The following SGIP1 variants were observed in gnomAD, a reference collection of about 807,000 sequenced individuals.
SGIP1 encodes SH3GL interacting endocytic adaptor 1, also known as SH3-containing GRB2-like protein 3-interacting protein 1.
In SGIP1, 38 loss-of-function variants were observed where a neutral mutation model predicts 107.5. The ratio of observed to expected loss-of-function variants is 0.35; its 90% CI spans 0.27 to 0.46. The LOEUF (loss-of-function observed/expected upper bound fraction) is 0.46. SGIP1 is among the 20% of genes least tolerant of loss of function. The pLI is 1.00. For missense variants in SGIP1, 929 were observed against 1,019.5 expected, an observed-to-expected ratio of 0.91 and a Z score of 1.21; for synonymous variants, 365 against 366.1, an observed-to-expected ratio of 1.00 and a Z score of 0.03.
At chr1:66,573,120 T>G (rs2148630924) in intron 1 of SGIP1, among the ~76,000 whole-genome samples, 1 of 152,146 alleles carries the variant, frequency 6.6e-6, no homozygotes. Flanking sequence ...ATTAAAATGT[T>G]CCAGAATTAG....
chr1:66,624,559 G>A (rs1570780544), intron 1 of SGIP1, among the ~76,000 whole-genome samples: 1 of 152,168 alleles, frequency 6.6e-6, no homozygotes, highest in Non-Finnish European at 1.5e-5. Context: ...TTGTATTTGA[G>A]TAGTATCCTA....
intron 1 of SGIP1, among the ~76,000 whole-genome samples, chr1:66,539,978 C>A (rs1571001111): frequency 6.6e-6 from 1 of 152,140 alleles, no homozygotes; most frequent in East Asian, 1.9e-4. Context: ...GTATCCTTAG[C>A]TCTTGGCACA....
chr1:66,695,060 T>C, intron 17 of SGIP1: 1 of 376,670 alleles, frequency 2.7e-6, no homozygotes. Context: ...GGGGATGACA[T>C]TGAAGATGAA....
intron 1 of SGIP1, among the ~76,000 whole-genome samples, chr1:66,607,640 T>C (rs1180957187): frequency 3.9e-5 from 6 of 152,006 alleles, no homozygotes; most frequent in African/African-American, 1.5e-4. Flanking sequence ...CTCCGAAAGG[T>C]CTAGAGTAAT....
chr1:66,602,127 C>A (rs758000919), intron 1 of SGIP1, among the ~76,000 whole-genome samples: 1 of 152,278 alleles, frequency 6.6e-6, no homozygotes, highest in South Asian at 2.1e-4. Context: ...GCCTCTCAGA[C>A]CCCTGGGATT....
At chr1:66,673,824 G>A (rs190071822) in intron 12 of SGIP1, among the ~76,000 whole-genome samples, 150 of 152,220 alleles carry the variant, frequency 9.9e-4, no homozygotes, top group South Asian at 2.3e-3. Flanking sequence ...GCTCACAACA[G>A]TCATTGTTTG....
intron 13 of SGIP1, among the ~76,000 whole-genome samples, chr1:66,679,440 TA>T (rs2086164298): frequency 6.6e-6 from 1 of 152,208 alleles, no homozygotes; most frequent in African/African-American, 2.4e-5. Flanking sequence ...AAAATGGTGA[TA>T]TTATTATTAC....
intron 13 of SGIP1, among the ~76,000 whole-genome samples, chr1:66,677,878 C>T (rs2085752244): frequency 1.3e-5 from 2 of 152,188 alleles, no homozygotes; most frequent in South Asian, 4.1e-4. Context: ...TTTGGGCTCA[C>T]ATACAGACCA....
intron 5 of SGIP1, among the ~76,000 whole-genome samples, chr1:66,640,893 T>C (rs754249827): frequency 4.6e-5 from 7 of 151,914 alleles, no homozygotes; most frequent in Admixed American, 2.0e-4. Context: ...TGTATGATCT[T>C]GCTTATACGC....
intron 19 of SGIP1, among the ~76,000 whole-genome samples, chr1:66,723,696 C>T (rs1362869712): frequency 6.6e-6 from 1 of 151,980 alleles, no homozygotes; most frequent in African/African-American, 2.4e-5. Flanking sequence ...TTACATTGTG[C>T]CTGGTATATT....
chr1:66,548,728 A>G (rs1298684635), intron 1 of SGIP1, among the ~76,000 whole-genome samples: 1 of 152,054 alleles, frequency 6.6e-6, no homozygotes, highest in Non-Finnish European at 1.5e-5. Context: ...TGACCTCTCC[A>G]TGTTTCATTT....
intron 1 of SGIP1, among the ~76,000 whole-genome samples, chr1:66,565,784 C>T (rs764434703): frequency 5.3e-5 from 8 of 151,994 alleles, no homozygotes; most frequent in Non-Finnish European, 1.2e-4. Flanking sequence ...CTGTGCTAGA[C>T]TCTGTGTTGG....
intron 7 of SGIP1, among the ~76,000 whole-genome samples, chr1:66,645,543 C>G (rs1465089206): frequency 6.6e-6 from 1 of 152,120 alleles, no homozygotes; most frequent in Non-Finnish European, 1.5e-5. Context: ...TTTCTGCAAA[C>G]CAACAACGCC....
chr1:66,653,090 C>T (rs1365217389), intron 7 of SGIP1, among the ~76,000 whole-genome samples: 1 of 152,186 alleles, frequency 6.6e-6, no homozygotes, highest in East Asian at 1.9e-4. Context: ...CCCCTCTAGA[C>T]AGACCTGCAG....
chr1:66,644,356 AAAG>A (rs1367033821), intron 7 of SGIP1, among the ~76,000 whole-genome samples: 1 of 152,066 alleles, frequency 6.6e-6, no homozygotes, highest in Non-Finnish European at 1.5e-5. Context: ...TAAAAAAAAA[AAAG>A]AGATTATTTT....
rs1393381956 is a variant in SGIP1 at position 66,748,470 on chromosome 1, C to A, written c.*5375C>A. On this transcript the variant is annotated 3_prime_UTR_variant, in exon 25 of 25. Coordinates refer to ENST00000371037, the MANE Select transcript of SGIP1 (RefSeq NM_032291.4). The stretch of plus-strand genomic sequence containing the variant: ...CTTGATTGGCCCTCACATTTAATAT[C>A]TGATTTCTCTCCTAAATGGGTATGT... 6.6e-6 allele frequency among the ~76,000 whole-genome samples: 1 copy of A among 151,892 alleles called. No homozygotes were observed. The highest frequency in any genetic ancestry group is 1.5e-5 in the Non-Finnish European group (1 of 67,842).
intron 18 of SGIP1, among the ~76,000 whole-genome samples, chr1:66,715,679 T>C (rs1316236800): frequency 1.3e-5 from 2 of 152,170 alleles, no homozygotes; most frequent in Non-Finnish European, 2.9e-5. Context: ...TCCTTTGATA[T>C]AGCCCAAGCT....
chr1:66,550,876 T>A (rs2057301371), intron 1 of SGIP1, among the ~76,000 whole-genome samples: 2 of 152,180 alleles, frequency 1.3e-5, no homozygotes, highest in South Asian at 4.1e-4. Context: ...AACACTGATC[T>A]ATCTGATTCT....
At position 66,681,988 on chromosome 1, in the gene SGIP1, TG is replaced by T; in HGVS notation, c.937del (p.Val313SerfsTer15). ...KSVAVNAEEK[W>X]VHFSDTSPEH... ...TGTTGCTGTTAATGCTGAAGAAAAGTGGGTCCATTTTTCTGATACATCCCCG... is the reference window on the plus strand; with the variant it reads ...TGTTGCTGTTAATGCTGAAGAAAAGTGGTCCATTTTTCTGATACATCCCCG... On this transcript the variant is annotated frameshift_variant, in exon 15 of 25. Coordinates refer to ENST00000371037, the MANE Select transcript of SGIP1 (RefSeq NM_032291.4). LOFTEE classifies it high-confidence loss of function. The T allele has an allele frequency of 6.2e-7, 1 of 1,614,184 alleles. No homozygotes were observed. Among genetic ancestry groups the T allele is most frequent in the Non-Finnish European group, 8.5e-7 (1 of 1,180,026 alleles).
Sources: gnomAD v4.1 joint callset for allele counts (sites outside exome capture counted in the v4.1 genomes callset) on GRCh38, gnomAD v4.1.1 for gene constraint, MANE v1.5 for transcripts, NCBI Gene and HGNC (gene_info 2026-07-23, HGNC 2026-07-21) for gene names.